The following RPS6KC1 variants were observed in gnomAD, a reference collection of about 807,000 sequenced individuals.
RPS6KC1 encodes the protein ribosomal protein S6 kinase C1.
A neutral mutation model predicts 103.8 loss-of-function variants in RPS6KC1; 54 were observed. The ratio of observed to expected loss-of-function variants is 0.52; its 90% CI spans 0.42 to 0.65. The LOEUF is 0.65. Among genes scored for constraint, RPS6KC1 ranks in the 30% least tolerant of loss-of-function variants. The pLI is 0.00. For synonymous variants in RPS6KC1, 439 were observed against 438.7 expected (o/e 1.00, Z -0.01); for missense variants, 1,151 against 1,253.8 (o/e 0.92, Z 1.24).
At chr1:213,379,815 G>A in the RPS6KC1 span, among the ~76,000 whole-genome samples, 8 of 151,956 alleles carry the variant, frequency 5.3e-5, no homozygotes, top group Non-Finnish European at 1.0e-4. Flanking sequence ...TTGTTACAAA[G>A]TCAAAAAATA....
the RPS6KC1 span, among the ~76,000 whole-genome samples, chr1:213,628,538 A>C: frequency 3.3e-5 from 5 of 152,120 alleles, no homozygotes; most frequent in African/African-American, 1.2e-4. Flanking sequence ...CAGGTTAGTT[A>C]CATATGTATA....
At chr1:213,836,973 G>A in the RPS6KC1 span, among the ~76,000 whole-genome samples, 4 of 152,204 alleles carry the variant, frequency 2.6e-5, no homozygotes, top group African/African-American at 4.8e-5. Context: ...TTTTCTGCTA[G>A]CCTGAGAATG....
chr1:213,166,934 A>G (rs537828120), intron 6 of RPS6KC1, among the ~76,000 whole-genome samples: 1 of 152,310 alleles, frequency 6.6e-6, no homozygotes, highest in South Asian at 2.1e-4. Context: ...TAAGTCTCGT[A>G]TATCTGCTTT....
chr1:213,596,414 A>G, the RPS6KC1 span, among the ~76,000 whole-genome samples: 16 of 152,340 alleles, frequency 1.1e-4, no homozygotes, highest in African/African-American at 3.8e-4. Flanking sequence ...AGCCAAGTAA[A>G]TGAGGTCCAG....
intron 6 of RPS6KC1, among the ~76,000 whole-genome samples, chr1:213,161,455 G>A (rs2090467257): frequency 6.6e-6 from 1 of 151,974 alleles, no homozygotes; most frequent in African/African-American, 2.4e-5. Flanking sequence ...TGAGTAACTG[G>A]GATTACAGGT....
At chr1:213,324,593 C>CTTTTTTTTT in the RPS6KC1 span, among the ~76,000 whole-genome samples, 45 of 81,820 alleles carry the variant, frequency 5.5e-4, no homozygotes, top group African/African-American at 1.5e-3. Context: ...GCTCGATATG[C>CTTTTTTTTT]TTTTTTTTTT....
the RPS6KC1 span, among the ~76,000 whole-genome samples, chr1:213,476,726 C>G: frequency 6.6e-6 from 1 of 152,240 alleles, no homozygotes; most frequent in Admixed American, 6.5e-5. Flanking sequence ...GGAGACTCAC[C>G]TGTTCCTTAC....
At chr1:213,677,831 C>G in the RPS6KC1 span, among the ~76,000 whole-genome samples, 2 of 151,944 alleles carry the variant, frequency 1.3e-5, no homozygotes, top group African/African-American at 4.8e-5. Flanking sequence ...GATGGTGGAA[C>G]CTTGTATCTA....
In RPS6KC1 at chr1:213,240,903, T is replaced by A; in HGVS notation, c.1427T>A (p.Leu476His). ...AAAGCTCTGCCTTTGAAGAGTAGTC[T>A]TACTCCAAGTTCTCAAGATGACAGC... ...MLKALPLKSS[L>H]TPSSQDDSNQ... The change falls in exon 11 of 15, where the codon CTT (leucine) becomes CAT (histidine). Residue 476 changes from leucine to histidine, a missense_variant. By Grantham distance (99) the Leu-to-His change is moderately conservative. Around this residue, in one of 3 missense-constraint regions of RPS6KC1, gnomAD observed 959 missense variants for 1,006.3 expected, o/e 0.95. Transcript: ENST00000366960. 6.2e-7 allele frequency: 1 copy of A among 1,613,814 alleles called. No homozygotes were observed. The highest frequency in any genetic ancestry group is 8.5e-7 in the Non-Finnish European group (1 of 1,179,876).
the RPS6KC1 span, among the ~76,000 whole-genome samples, chr1:213,443,157 A>G: frequency 2.0e-5 from 3 of 152,158 alleles, no homozygotes; most frequent in African/African-American, 7.2e-5. Flanking sequence ...TACTAGGCTT[A>G]CCTGAGATCC....
At chr1:213,704,215 G>A in the RPS6KC1 span, among the ~76,000 whole-genome samples, 127 of 150,678 alleles carry the variant, frequency 8.4e-4, no homozygotes, top group Non-Finnish European at 1.5e-3. Flanking sequence ...GTGAAACCCC[G>A]TCTCTACTAA....
chr1:213,804,184 A>AAC, the RPS6KC1 span, among the ~76,000 whole-genome samples: 1 of 149,802 alleles, frequency 6.7e-6, no homozygotes, highest in Non-Finnish European at 1.5e-5. Flanking sequence ...AAAAAAAAAA[A>AAC]AAAAAAAAAA....
intron 4 of RPS6KC1, among the ~76,000 whole-genome samples, chr1:213,115,063 A>C (rs11120090): frequency 1.9e-3 from 291 of 152,134 alleles, no homozygotes; most frequent in African/African-American, 5.2e-3. Context: ...TGATGCTGGC[A>C]TCATAAAATG....
the RPS6KC1 span, among the ~76,000 whole-genome samples, chr1:213,680,960 C>T: frequency 6.6e-6 from 1 of 152,210 alleles, no homozygotes; most frequent in Admixed American, 6.5e-5. Flanking sequence ...TTGCATTAAA[C>T]ATTCAGTCTG....
the RPS6KC1 span, among the ~76,000 whole-genome samples, chr1:213,693,893 G>C: frequency 6.6e-6 from 1 of 152,178 alleles, no homozygotes; most frequent in South Asian, 2.1e-4. Context: ...CAAAGATCTT[G>C]TCTAGACACA....
At chr1:213,451,335 G>C in the RPS6KC1 span, among the ~76,000 whole-genome samples, 1 of 152,194 alleles carries the variant, frequency 6.6e-6, no homozygotes, top group Non-Finnish European at 1.5e-5. Context: ...GTGAATATGA[G>C]AAAATGAACC....
At chr1:213,133,279 A>G (rs1466698989) in intron 6 of RPS6KC1, among the ~76,000 whole-genome samples, 2 of 152,176 alleles carry the variant, frequency 1.3e-5, no homozygotes, top group Non-Finnish European at 2.9e-5. Context: ...AAAGTGGCGG[A>G]TATGATTAAT....
At chr1:213,768,506 T>C in the RPS6KC1 span, among the ~76,000 whole-genome samples, 3 of 152,208 alleles carry the variant, frequency 2.0e-5, no homozygotes, top group African/African-American at 7.2e-5. Context: ...AAAGGAGGTA[T>C]AGAAATTGCA....
chr1:213,693,458 A>T, the RPS6KC1 span, among the ~76,000 whole-genome samples: 1 of 152,192 alleles, frequency 6.6e-6, no homozygotes, highest in Non-Finnish European at 1.5e-5. Flanking sequence ...TTTGTTAAGG[A>T]TGTATTCCTA....
Sources: gnomAD v4.1 joint callset for allele counts (sites outside exome capture counted in the v4.1 genomes callset) on GRCh38, gnomAD v4.1.1 for gene constraint, gnomAD v4.1.1 regional missense constraint, MANE v1.5 for transcripts, NCBI Gene and HGNC (gene_info 2026-07-23, HGNC 2026-07-21) for gene names.